The following PAICS variants were observed in gnomAD, a reference collection of about 807,000 sequenced individuals.
PAICS encodes the protein phosphoribosylaminoimidazole carboxylase and phosphoribosylaminoimidazolesuccinocarboxamide synthase.
Under a neutral mutation model 53.7 loss-of-function variants are expected in PAICS, and 33 were observed. The observed-to-expected ratio is 0.61, with a 90% CI of 0.47 to 0.82. PAICS has a LOEUF of 0.82. Ranked by LOEUF, PAICS falls within the 40% of genes least tolerant of loss-of-function variation. The pLI is 0.00. For synonymous variants in PAICS, 141 were observed against 167.2 expected, an observed-to-expected ratio of 0.84 and a Z score of 1.21; for missense variants, 394 against 494.1, an observed-to-expected ratio of 0.80 and a Z score of 1.92.
At chr4:56,424,978 G>GTCA in the PAICS span, among the ~76,000 whole-genome samples, 1 of 152,176 alleles carries the variant, frequency 6.6e-6, no homozygotes, top group Non-Finnish European at 1.5e-5. Flanking sequence ...ATTAGAGGAG[G>GTCA]TCACGCTGAT....
rs1454765787 is a variant in PAICS at position 56,462,790 on chromosome 4, C to T, written c.*3252C>T. 6.6e-6 allele frequency: 1 copy of T among 152,048 alleles called. No homozygotes were observed. Among genetic ancestry groups the T allele is most frequent in the African/African-American group, 2.4e-5 (1 of 41,362 alleles). The allele number at this position is 152,048 out of a possible 1,614,324, so 9.4% of individuals were successfully genotyped here. Reference sequence around the variant, plus strand: ...CCGAGGCAGGTGGATCACCTGAGATCAGGAGTTCGAGACCAGCCTGACCAA... The same window carrying T: ...CCGAGGCAGGTGGATCACCTGAGATTAGGAGTTCGAGACCAGCCTGACCAA... On this transcript the variant is annotated 3_prime_UTR_variant, in exon 9 of 9. Coordinates refer to ENST00000512576, the MANE Select transcript of PAICS (RefSeq NM_001079524.2).
the PAICS span, among the ~76,000 whole-genome samples, chr4:56,418,360 C>A: frequency 1.3e-5 from 2 of 151,908 alleles, no homozygotes; most frequent in African/African-American, 4.8e-5. Context: ...CACTCTTTTG[C>A]CCAAGCTGGA....
chr4:56,437,406 AAAAC>A (rs1209511521), intron 1 of PAICS, among the ~76,000 whole-genome samples: 1 of 152,140 alleles, frequency 6.6e-6, no homozygotes, highest in Non-Finnish European at 1.5e-5. Flanking sequence ...ATGCTGGAAA[AAAAC>A]AAATGCTGGT....
chr4:56,430,996 A>T (rs189390438), upstream of PAICS, among the ~76,000 whole-genome samples: 20 of 148,636 alleles, frequency 1.3e-4, no homozygotes, highest in East Asian at 3.9e-4. Context: ...GCTAAGTTCT[A>T]AAAAAAAAAG....
At chr4:56,427,276 T>C in the PAICS span, among the ~76,000 whole-genome samples, 10 of 152,226 alleles carry the variant, frequency 6.6e-5, no homozygotes, top group Non-Finnish European at 1.5e-4. Flanking sequence ...TGGTAATTTG[T>C]GTTTAATTTT....
chr4:56,427,753 C>A, the PAICS span, among the ~76,000 whole-genome samples: 5 of 152,048 alleles, frequency 3.3e-5, no homozygotes, highest in Non-Finnish European at 7.4e-5. Flanking sequence ...AGTATGCCTT[C>A]CCCCTGTCAC....
the PAICS span, among the ~76,000 whole-genome samples, chr4:56,412,827 AC>A: frequency 6.6e-6 from 1 of 151,986 alleles, no homozygotes; most frequent in Non-Finnish European, 1.5e-5. Context: ...CCTAGTTTTC[AC>A]CCTCTTCCCA....
chr4:56,455,420 C>G (rs1719145833), intron 8 of PAICS, among the ~76,000 whole-genome samples: 1 of 152,138 alleles, frequency 6.6e-6, no homozygotes, highest in African/African-American at 2.4e-5. Context: ...AGTGGACTGG[C>G]TTCTCTCTAG....
the PAICS span, chr4:56,414,114 G>A: frequency 1.2e-4 from 18 of 152,118 alleles, no homozygotes; most frequent in Non-Finnish European, 2.4e-4. Flanking sequence ...TTGATCTGCA[G>A]AATCCAAAAA....
At chr4:56,415,820 T>TA in the PAICS span, among the ~76,000 whole-genome samples, 1 of 152,172 alleles carries the variant, frequency 6.6e-6, no homozygotes, top group South Asian at 2.1e-4. Flanking sequence ...CTCACACCTG[T>TA]AATCCCAGCA....
upstream of PAICS, chr4:56,435,751 T>C: frequency 8.7e-6 from 13 of 1,489,106 alleles, no homozygotes; most frequent in Non-Finnish European, 1.2e-5. Context: ...AGGGTGGAGC[T>C]AGCCTTCCCC....
At chr4:56,423,721 A>G in the PAICS span, among the ~76,000 whole-genome samples, 117 of 152,214 alleles carry the variant, frequency 7.7e-4, no homozygotes, top group African/African-American at 2.6e-3. Flanking sequence ...ATATTTAGAA[A>G]ATGTGAAACA....
chr4:56,436,257 T>C, upstream of PAICS: 1 of 1,571,642 alleles, frequency 6.4e-7, no homozygotes, highest in Non-Finnish European at 8.6e-7. Context: ...ACCCCTCTTT[T>C]CTAGAGTTCT....
the PAICS span, among the ~76,000 whole-genome samples, chr4:56,428,632 C>CA: frequency 2.4e-4 from 36 of 151,850 alleles, no homozygotes; most frequent in Admixed American, 1.8e-3. Context: ...TTGACATTAA[C>CA]AAAAAAAATT....
At chr4:56,435,639 G>C (rs1462689190), upstream of PAICS, 1 of 1,441,632 alleles carries the variant, frequency 6.9e-7, no homozygotes, top group South Asian at 1.4e-5. Flanking sequence ...CTGTCCCTAG[G>C]TGGCGTGGCC....
intron 2 of PAICS, 76 bp from the exon 3 acceptor site, chr4:56,446,619 A>C (rs1718632701): frequency 3.6e-6 from 3 of 826,958 alleles, no homozygotes; most frequent in African/African-American, 3.5e-5. Flanking sequence ...TAAAGGGTAG[A>C]GTTTTATTGT....
intron 5 of PAICS, 124 bp downstream of exon 5, chr4:56,448,947 GTTTATT>G: frequency 1.6e-6 from 1 of 610,774 alleles, no homozygotes; most frequent in Non-Finnish European, 3.0e-6. Flanking sequence ...GTGGATTGCT[GTTTATT>G]TTTAAAGATA....
chr4:56,447,560 G>C (rs1718682476), intron 3 of PAICS, among the ~76,000 whole-genome samples: 1 of 152,120 alleles, frequency 6.6e-6, no homozygotes, highest in Non-Finnish European at 1.5e-5. Context: ...GAGGTTGGGA[G>C]GTTATGAGAA....
At chr4:56,457,003 C>G (rs895709820) in intron 8 of PAICS, among the ~76,000 whole-genome samples, 1 of 152,122 alleles carries the variant, frequency 6.6e-6, no homozygotes, top group African/African-American at 2.4e-5. Flanking sequence ...GATTGTTCTT[C>G]AAACAACCCC....
Sources: allele counts gnomAD v4.1 joint callset (sites outside exome capture counted in the v4.1 genomes callset), GRCh38; gene constraint gnomAD v4.1.1; transcripts MANE v1.5; gene names NCBI Gene and HGNC (gene_info 2026-07-23, HGNC 2026-07-21).